ALG9: variants seen among roughly 807,000 people sequenced by gnomAD.
ALG9 encodes alpha-1,2-mannosyltransferase ALG9.
ALG9 carries 55 observed loss-of-function variants against 81.8 expected under a neutral mutation model. The ratio of observed to expected loss-of-function variants is 0.67; its 90% confidence interval spans 0.54 to 0.84. The LOEUF is 0.84. Ranked by LOEUF, ALG9 falls within the 40% of genes least tolerant of loss-of-function variation. ALG9 has a pLI of 0.00. For synonymous variants in ALG9, 278 were observed against 274.3 expected (o/e 1.01, Z -0.13); for missense variants, 629 against 745.0 (o/e 0.84, Z 1.81).
intron 13 of ALG9, among the ~76,000 whole-genome samples, chr11:111,826,311 G>A (rs1463302272): frequency 6.6e-6 from 1 of 151,012 alleles, no homozygotes; most frequent in African/African-American, 2.4e-5. Flanking sequence ...GTTTGAGTCA[G>A]GGAGGTCGAG....
Position 111,848,594 on chromosome 11 carries a change from A to C in ALG9, c.896-3871T>G, listed in dbSNP as rs78748566. Among the ~76,000 whole-genome samples, 45 of 151,032 alleles carry C rather than the reference A, an allele frequency of 3.0e-4. No individual in the cohort carries two copies. In the Middle Eastern group the frequency reaches 0.01, roughly 34 times the overall value. On this transcript the variant is annotated intron_variant, in intron 8 of 14. Coordinates refer to ENST00000616540, the MANE Select transcript of ALG9 (RefSeq NM_024740.2). The stretch of plus-strand genomic sequence containing the variant: ...AACAAGAGCAAAACTCCATCTCAAA[A>C]AAAAAAAAAAAAAAGAAAACCAGGA...
At chr11:111,860,492 C>A in intron 5 of ALG9, 55 bp downstream of exon 5, 1 of 1,425,036 alleles carries the variant, frequency 7.0e-7, no homozygotes, top group Non-Finnish European at 9.9e-7. Context: ...CCCTCATCTG[C>A]CCTTTTACTT....
At chr11:111,798,297 G>A in intron 14 of ALG9, 1 of 191,314 alleles carries the variant, frequency 5.2e-6, no homozygotes, top group Non-Finnish European at 1.1e-5. Context: ...TAATGAAGGA[G>A]GACAGTGGGT....
chr11:111,807,648 T>C (rs1555086488), intron 14 of ALG9, among the ~76,000 whole-genome samples: 1 of 152,216 alleles, frequency 6.6e-6, no homozygotes, highest in Non-Finnish European at 1.5e-5. Flanking sequence ...TCACTATATG[T>C]CCAAATCACC....
At chr11:111,779,185 A>G (rs148937678), downstream of ALG9, among the ~76,000 whole-genome samples, 118 of 152,280 alleles carry the variant, frequency 7.7e-4, no homozygotes, top group Non-Finnish European at 1.4e-3. Context: ...GCTGCTTTAC[A>G]GGTCACAGCT....
At chr11:111,848,894 G>A (rs1957324571) in intron 8 of ALG9, among the ~76,000 whole-genome samples, 1 of 152,092 alleles carries the variant, frequency 6.6e-6, no homozygotes, top group Non-Finnish European at 1.5e-5. Flanking sequence ...ACCACCAGAA[G>A]GACATGCTCC....
intron 13 of ALG9, among the ~76,000 whole-genome samples, chr11:111,834,215 CT>C (rs1176973810): frequency 6.6e-6 from 1 of 152,176 alleles, no homozygotes; most frequent in Non-Finnish European, 1.5e-5. Context: ...TCAATATGGA[CT>C]TAAATAGTTC....
chr11:111,838,296 A>G lies in ALG9; in HGVS notation c.1277T>C (p.Phe426Ser), dbSNP rs1555119715. 1.2e-6 allele frequency: 2 copies of G among 1,614,220 alleles called. No individual in the cohort carries two copies. The highest frequency in any genetic ancestry group is 2.2e-5 in the South Asian group (2 of 91,086). Reference protein sequence around the residue: ...TSNWLALGTVFLFGLLSFSRS... With the variant: ...TSNWLALGTVSLFGLLSFSRS... ...AGAAAATGACAAGAGCCCAAACAGG[A>G]AGACAGTTCCTAATGCCAGCCAATT... is the stretch of plus-strand genomic sequence containing the variant. The change falls in exon 11 of 15, where the codon TTC (phenylalanine) becomes TCC (serine). Residue 426 changes from phenylalanine (F) to serine (S), a missense_variant. This residue lies in a region of ALG9 where 264 missense variants were observed against 302.2 expected (regional missense o/e 0.87). Coordinates refer to ENST00000616540, the MANE Select transcript of ALG9 (RefSeq NM_024740.2).
Position 111,786,369 on chromosome 11 carries a change from G to T in ALG9, c.*28C>A. 2 of 1,613,444 alleles carry T rather than the reference G, an allele frequency of 1.2e-6. No homozygotes were observed. Among genetic ancestry groups the T allele is most frequent in the Non-Finnish European group, 1.7e-6 (2 of 1,179,624 alleles). On this transcript the variant is annotated 3_prime_UTR_variant, in exon 15 of 15. Coordinates refer to ENST00000616540, the MANE Select transcript of ALG9 (RefSeq NM_024740.2). The stretch of plus-strand genomic sequence containing the variant: ...ACTGGAATCAATAGTTAACAAGATG[G>T]TTGTCCTTTGGGGCCACAGGTGTGT...
chr11:111,869,691 G>A (rs1963649470), intron 2 of ALG9, among the ~76,000 whole-genome samples: 1 of 152,134 alleles, frequency 6.6e-6, no homozygotes, highest in Non-Finnish European at 1.5e-5. Context: ...GAATACAAAA[G>A]TGAAAACATG....
intron 8 of ALG9, among the ~76,000 whole-genome samples, chr11:111,848,229 C>T (rs1957207327): frequency 6.6e-6 from 1 of 152,300 alleles, no homozygotes; most frequent in Middle Eastern, 3.4e-3. Context: ...ACACAGTAGG[C>T]ATTCAATAAT....
At chr11:111,801,673 C>T (rs1555080515) in intron 14 of ALG9, among the ~76,000 whole-genome samples, 2 of 152,220 alleles carry the variant, frequency 1.3e-5, no homozygotes, top group African/African-American at 4.8e-5. Flanking sequence ...GCTGTCTTCA[C>T]TATACTTTAC....
At chr11:111,777,969 G>T (rs1555055750), downstream of ALG9, among the ~76,000 whole-genome samples, 2 of 152,240 alleles carry the variant, frequency 1.3e-5, no homozygotes, top group African/African-American at 4.8e-5. Context: ...AGCAGCTCAA[G>T]AGAAGCTCTC....
intron 14 of ALG9, among the ~76,000 whole-genome samples, chr11:111,796,940 T>G (rs184115735): frequency 6.6e-6 from 1 of 152,302 alleles, no homozygotes; most frequent in East Asian, 1.9e-4. Flanking sequence ...AATTCTGCCA[T>G]CGGGTGGAGT....
intron 13 of ALG9, among the ~76,000 whole-genome samples, chr11:111,822,301 C>T (rs1398859168): frequency 6.7e-6 from 1 of 148,458 alleles, no homozygotes; most frequent in Non-Finnish European, 1.5e-5. Context: ...TCCAGCTACT[C>T]GAGAGGCTGA....
chr11:111,790,017 GA>G (rs1200155229), intron 14 of ALG9, among the ~76,000 whole-genome samples: 15 of 150,146 alleles, frequency 1.0e-4, no homozygotes, highest in East Asian at 7.8e-4. Context: ...GAATAAAAGA[GA>G]AAAAAAAAGA....
intron 9 of ALG9, among the ~76,000 whole-genome samples, chr11:111,842,137 T>G (rs562892357): frequency 6.6e-6 from 1 of 152,316 alleles, no homozygotes; most frequent in South Asian, 2.1e-4. Context: ...CCTCAGGTGA[T>G]CCACCCGCCT....
At position 111,871,309 on chromosome 11, in the gene ALG9, C is replaced by A. The variant is rs1394778426; in HGVS notation, c.131+43G>T. 5.1e-6 allele frequency: 7 copies of A among 1,383,382 alleles called. No homozygotes were observed. In the South Asian group the frequency reaches 1.0e-4, roughly 20 times the overall value. 85.7% of individuals were successfully genotyped at this position (1,383,382 alleles called of 1,614,324 possible). On this transcript the variant is annotated intron_variant, in intron 1 of 14. Coordinates refer to ENST00000616540, the MANE Select transcript of ALG9 (RefSeq NM_024740.2). ...GACCCTCCCGGGGGCAGCCCCGAACCGCCCCGCCGGCCGGCCACGCCCCTG... is the reference window on the plus strand; with the variant it reads ...GACCCTCCCGGGGGCAGCCCCGAACAGCCCCGCCGGCCGGCCACGCCCCTG...
chr11:111,803,011 T>C (rs1294040538), intron 14 of ALG9, among the ~76,000 whole-genome samples: 1 of 152,128 alleles, frequency 6.6e-6, no homozygotes, highest in Admixed American at 6.5e-5. Flanking sequence ...AATGCAATAC[T>C]TCAGTATAAA....
Sources: allele counts gnomAD v4.1 joint callset (sites outside exome capture counted in the v4.1 genomes callset), GRCh38; gene constraint gnomAD v4.1.1; regional missense constraint gnomAD v4.1.1; transcripts MANE v1.5; gene names NCBI Gene and HGNC (gene_info 2026-07-23, HGNC 2026-07-21).